The following ZC3H4 variants were observed in gnomAD, a reference collection of about 807,000 sequenced individuals.
The protein encoded by ZC3H4 is zinc finger CCCH-type containing 4.
ZC3H4 carries 13 observed loss-of-function variants against 108.3 expected under a neutral mutation model. The ratio of observed to expected loss-of-function variants is 0.12; its 90% CI spans 0.08 to 0.19. ZC3H4 has a LOEUF of 0.19. Among genes scored for constraint, ZC3H4 ranks in the 10% least tolerant of loss-of-function variants. ZC3H4 has a pLI of 1.00. For missense variants in ZC3H4, 1,734 were observed against 1,838.8 expected (o/e 0.94, Z 1.04); for synonymous variants, 917 against 749.6 (o/e 1.22, Z -3.65).
At chr19:47,086,573 G>A (rs1164533617) in intron 5 of ZC3H4, 35 bp from the exon 6 acceptor site, 13 of 1,538,576 alleles carry the variant, frequency 8.4e-6, no homozygotes, top group African/African-American at 2.8e-5. Context: ...CCTCCAGCAG[G>A]AGCAGATGCC....
At chr19:47,107,303 A>C (rs1459063428) in intron 2 of ZC3H4, among the ~76,000 whole-genome samples, 3 of 152,126 alleles carry the variant, frequency 2.0e-5, no homozygotes, top group African/African-American at 7.2e-5. Flanking sequence ...TAGGGAAAGC[A>C]GGAAGATTCA....
chr19:47,088,158 G>C (rs372248064), intron 5 of ZC3H4, among the ~76,000 whole-genome samples: 4 of 152,148 alleles, frequency 2.6e-5, no homozygotes, highest in African/African-American at 2.4e-5. Context: ...GGGCAACAGA[G>C]CGAGACTCCA....
chr19:47,066,688 A>C lies in ZC3H4; in HGVS notation c.3580T>G (p.Ser1194Ala). ...CCTGTCTCTGGCTGTTCCAGGGCAG[A>C]CTTGCGGACGAACGGGGGCTCCTTA... ...KAKEPPFVRKSALEQPETGKA... is the reference protein window; with the variant it reads ...KAKEPPFVRKAALEQPETGKA... The change falls in exon 15 of 15, where the codon TCT becomes GCT. Residue 1194 changes from serine to alanine, a missense_variant. This residue lies in a region of ZC3H4 where 518 missense variants were observed against 499.6 expected (regional missense o/e 1.04). Transcript: ENST00000253048. 6.2e-7 allele frequency: 1 copy of C among 1,610,986 alleles called. No homozygotes were observed. The highest frequency in any genetic ancestry group is 8.5e-7 in the Non-Finnish European group (1 of 1,179,360).
At chr19:47,110,396 C>A (rs529947802) in intron 2 of ZC3H4, among the ~76,000 whole-genome samples, 1 of 152,212 alleles carries the variant, frequency 6.6e-6, no homozygotes, top group East Asian at 1.9e-4. Flanking sequence ...CCTTTTACAT[C>A]GATTTTTGTC....
chr19:47,070,624 C>T (rs1599973616), intron 13 of ZC3H4, among the ~76,000 whole-genome samples: 3 of 152,246 alleles, frequency 2.0e-5, no homozygotes, highest in African/African-American at 7.2e-5. Flanking sequence ...TCTCGTCTTT[C>T]TTTCTAAAGC....
intron 2 of ZC3H4, among the ~76,000 whole-genome samples, chr19:47,099,698 G>A (rs573110566): frequency 3.3e-5 from 5 of 151,900 alleles, no homozygotes; most frequent in Non-Finnish European, 5.9e-5. Flanking sequence ...GCTGAGCCCC[G>A]GGAAGGAACA....
chr19:47,113,053 T>A (rs1396561636), intron 1 of ZC3H4, among the ~76,000 whole-genome samples: 2 of 152,182 alleles, frequency 1.3e-5, no homozygotes, highest in Non-Finnish European at 2.9e-5. Flanking sequence ...CTGTCTCCCT[T>A]CTCTGCCCGC....
chr19:47,093,961 G>A lies in ZC3H4; in HGVS notation c.492+9C>T, dbSNP rs760775653. 35 of 1,610,562 alleles carry A rather than the reference G, an allele frequency of 2.2e-5. No homozygotes were observed. The highest frequency in any genetic ancestry group is 2.7e-5 in the Non-Finnish European group (32 of 1,177,018). ...CCCCAGAGCTCAGCAGTGCATGCCA[G>A]TCACTCACCGGCGCATATGGGGGGC... On this transcript the variant is annotated intron_variant, in intron 4 of 14. Coordinates refer to ENST00000253048, the MANE Select transcript of ZC3H4 (RefSeq NM_015168.2).
At chr19:47,069,393 C>A in intron 13 of ZC3H4, 50 bp from the exon 14 acceptor site, 1 of 1,577,412 alleles carries the variant, frequency 6.3e-7, no homozygotes, top group Non-Finnish European at 8.6e-7. Context: ...CCTCCAGGTG[C>A]CAACTCCAGC....
chr19:47,066,129 C>T lies in ZC3H4; in HGVS notation c.*227G>A. The T allele has an allele frequency of 2.5e-6, 1 of 400,594 alleles. No homozygotes were observed. Among genetic ancestry groups the T allele is most frequent in the South Asian group, 8.2e-5 (1 of 12,256 alleles). 24.8% of individuals were successfully genotyped at this position (400,594 alleles called of 1,614,324 possible). ...ATGAGTCGGTTTGCTCAGCAGGAGC[C>T]CCTGAGCCCGCCACACTGACCAGAA... is the stretch of plus-strand genomic sequence containing the variant. On this transcript the variant is annotated 3_prime_UTR_variant, in exon 15 of 15. Transcript: ENST00000253048.
intron 11 of ZC3H4, among the ~76,000 whole-genome samples, chr19:47,080,587 C>T (rs538785065): frequency 5.5e-4 from 83 of 152,242 alleles, no homozygotes; most frequent in African/African-American, 2.0e-3. Flanking sequence ...CCTCAATCTC[C>T]TGGACTCAAC....
intron 2 of ZC3H4, among the ~76,000 whole-genome samples, chr19:47,100,512 C>T (rs1482039958): frequency 6.6e-6 from 1 of 151,782 alleles, no homozygotes; most frequent in African/African-American, 2.4e-5. Flanking sequence ...CATCTGTACC[C>T]TGTACCCTAC....
At chr19:47,097,050 G>T in intron 2 of ZC3H4, 1 of 948,254 alleles carries the variant, frequency 1.1e-6, no homozygotes, top group Non-Finnish European at 1.3e-6. Flanking sequence ...GAGGACAAAA[G>T]ACCATTCAAG....
intron 11 of ZC3H4, among the ~76,000 whole-genome samples, chr19:47,074,194 C>G (rs1157354115): frequency 6.6e-6 from 1 of 152,180 alleles, no homozygotes; most frequent in Non-Finnish European, 1.5e-5. Context: ...CTGTTGAGGT[C>G]CCTCATTAGA....
chr19:47,085,004 G>T, intron 8 of ZC3H4, 52 bp downstream of exon 8: 1 of 1,606,118 alleles, frequency 6.2e-7, no homozygotes, highest in South Asian at 1.1e-5. Flanking sequence ...AGGGAAAAAG[G>T]ACTAAGAAGG....
chr19:47,085,531 A>T lies in ZC3H4; in HGVS notation c.871-117T>A, dbSNP rs193273960. On this transcript the variant is annotated intron_variant, in intron 6 of 14. Transcript: ENST00000253048. ...TGACCATCCAGGGGACTCATACCAT[A>T]ACCCGTTTCCACACAGCCTGACGAC... The T allele has an allele frequency of 2.8e-3, 2,527 of 914,412 alleles. 7 individuals carry two copies. The highest frequency in any genetic ancestry group is 0.018 in the Middle Eastern group (58 of 3,138). The allele number at this position is 914,412 out of a possible 1,614,324, so 56.6% of individuals were successfully genotyped here.
At position 47,069,301 on chromosome 19, in the gene ZC3H4, T is replaced by C. The variant is rs1338190574; in HGVS notation, c.2189A>G (p.Glu730Gly). ...HYEELPGEPG[E>G]HLFPEHPLEP... Reference sequence around the variant, plus strand: ...CAGAGGGTGCTCAGGGAAGAGGTGCTCCCCAGGCTCCCCTGGCAGCTCTTC... The same window carrying C: ...CAGAGGGTGCTCAGGGAAGAGGTGCCCCCCAGGCTCCCCTGGCAGCTCTTC... Residue 730 changes from glutamate (E) to glycine (G), a missense_variant, in exon 14 of 15, where the codon GAG becomes GGG. Glu to Gly is a moderately conservative substitution (Grantham distance 98). Transcript: ENST00000253048. 3.1e-6 allele frequency: 5 copies of C among 1,613,646 alleles called. No individual in the cohort carries two copies. The East Asian group carries it at 1.1e-4, about 36-fold the overall frequency.
intron 9 of ZC3H4, among the ~76,000 whole-genome samples, chr19:47,083,102 T>C (rs1352415573): frequency 2.0e-5 from 3 of 150,570 alleles, no homozygotes; most frequent in Admixed American, 6.6e-5. Flanking sequence ...TGGAGTGCAA[T>C]GGCACGATCT....
chr19:47,092,709 C>T (rs967566708), intron 4 of ZC3H4, among the ~76,000 whole-genome samples: 24 of 151,706 alleles, frequency 1.6e-4, no homozygotes, highest in African/African-American at 5.3e-4. Flanking sequence ...CCCAGCTACT[C>T]GGGAGGCTGA....
Sources: gnomAD v4.1 joint callset for allele counts (sites outside exome capture counted in the v4.1 genomes callset) on GRCh38, gnomAD v4.1.1 for gene constraint, gnomAD v4.1.1 regional missense constraint, MANE v1.5 for transcripts, NCBI Gene and HGNC (gene_info 2026-07-23, HGNC 2026-07-21) for gene names.